The following EYS variants were observed in gnomAD, a reference collection of about 807,000 sequenced individuals.
The protein encoded by EYS is protein eyes shut homolog.
In EYS, 250 loss-of-function variants were observed where a neutral mutation model predicts 282.1. The ratio of observed to expected loss-of-function variants is 0.89; its 90% CI spans 0.80 to 0.98. The LOEUF (loss-of-function observed/expected upper bound fraction) is 0.98, where lower values mean the gene tolerates loss of function less well. EYS is among the 50% of genes least tolerant of loss of function. The probability of loss-of-function intolerance (pLI) is 0.00; values close to 1 mark genes in which losing one functional copy is unlikely to be tolerated. For synonymous variants in EYS, 1,355 were observed against 1,282.9 expected (o/e 1.06, Z -1.20); for missense variants, 4,016 against 3,709.0 (o/e 1.08, Z -2.15).
At chr6:65,266,979 T>C (rs1185964918) in intron 12 of EYS, among the ~76,000 whole-genome samples, 1 of 126,330 alleles carries the variant, frequency 7.9e-6, no homozygotes, top group Non-Finnish European at 1.7e-5. Flanking sequence ...TACCTTGACA[T>C]ATATATATAT....
chr6:64,935,147 A>G (rs1768865267), intron 15 of EYS, among the ~76,000 whole-genome samples: 1 of 151,820 alleles, frequency 6.6e-6, no homozygotes, highest in South Asian at 2.1e-4. Flanking sequence ...TCTAAATAAT[A>G]CAATAAATGT....
chr6:64,034,275 C>T (rs1250703372), intron 33 of EYS, among the ~76,000 whole-genome samples: 1 of 152,202 alleles, frequency 6.6e-6, no homozygotes, highest in African/African-American at 2.4e-5. Context: ...ACCACCACAA[C>T]TAGCTTACAA....
chr6:64,483,907 T>C (rs752140776), intron 26 of EYS, among the ~76,000 whole-genome samples: 1 of 151,696 alleles, frequency 6.6e-6, no homozygotes, highest in Non-Finnish European at 1.5e-5. Context: ...TCATGACACA[T>C]AGACATAGAT....
At chr6:63,724,971 G>T (rs1768554370) in intron 42 of EYS, among the ~76,000 whole-genome samples, 1 of 152,014 alleles carries the variant, frequency 6.6e-6, no homozygotes, top group East Asian at 1.9e-4. Context: ...ACTGTCAGCT[G>T]CATTTTCTGC....
Position 65,057,596 on chromosome 6 carries a change from T to C in EYS, c.2137+18A>G. ...AGTTAATTATGTTTGCTTTTCCTTA[T>C]CCCTTGGTGTTCATTACCTTTAAAT... is the stretch of plus-strand genomic sequence containing the variant. On this transcript the variant is annotated intron_variant, in intron 13 of 42. Transcript: ENST00000503581. 1 of 1,412,212 alleles carries C rather than the reference T, an allele frequency of 7.1e-7. No homozygotes were observed. The highest frequency in any genetic ancestry group is 9.8e-7 in the Non-Finnish European group (1 of 1,019,940). 87.5% of individuals were successfully genotyped at this position (1,412,212 alleles called of 1,614,324 possible).
At chr6:63,726,050 C>T (rs1463974807) in intron 42 of EYS, among the ~76,000 whole-genome samples, 1 of 151,990 alleles carries the variant, frequency 6.6e-6, no homozygotes, top group African/African-American at 2.4e-5. Context: ...AAATATGTAC[C>T]TTTTAAAATC....
intron 2 of EYS, among the ~76,000 whole-genome samples, chr6:65,633,913 T>C (rs1214718886): frequency 6.6e-6 from 1 of 152,224 alleles, no homozygotes; most frequent in Non-Finnish European, 1.5e-5. Flanking sequence ...GGTCCCAAAG[T>C]CTTCAGTGCT....
At chr6:64,834,815 T>G (rs527856140) in intron 19 of EYS, among the ~76,000 whole-genome samples, 7 of 151,958 alleles carry the variant, frequency 4.6e-5, no homozygotes, top group Non-Finnish European at 4.4e-5. Flanking sequence ...ATGTTTTGAT[T>G]AACAAACACA....
At chr6:65,030,468 G>A (rs1467668748) in intron 13 of EYS, among the ~76,000 whole-genome samples, 1 of 152,048 alleles carries the variant, frequency 6.6e-6, no homozygotes, top group Non-Finnish European at 1.5e-5. Context: ...TGATTTGCTG[G>A]CACCTGTGTA....
At chr6:65,166,402 GA>G (rs1013633808) in intron 12 of EYS, among the ~76,000 whole-genome samples, 102 of 151,166 alleles carry the variant, frequency 6.7e-4, no homozygotes, top group African/African-American at 2.2e-3. Flanking sequence ...ATCCATGATG[GA>G]ATTGTGAATC....
intron 5 of EYS, among the ~76,000 whole-genome samples, chr6:65,456,183 T>C (rs2150405819): frequency 6.6e-6 from 1 of 151,866 alleles, no homozygotes; most frequent in East Asian, 1.9e-4. Flanking sequence ...CCGGGCGAGG[T>C]AGCTCACACC....
At chr6:64,024,680 C>T (rs1052926520) in intron 33 of EYS, among the ~76,000 whole-genome samples, 2 of 152,016 alleles carry the variant, frequency 1.3e-5, no homozygotes, top group African/African-American at 2.4e-5. Context: ...CTGAAGCTAG[C>T]GAGACCACGA....
chr6:64,723,718 G>T (rs147006510), intron 22 of EYS, among the ~76,000 whole-genome samples: 1 of 152,168 alleles, frequency 6.6e-6, no homozygotes, highest in South Asian at 2.1e-4. Flanking sequence ...TGTGAGCATC[G>T]CTGAAAGCCT....
In EYS at chr6:64,686,825, A is replaced by ATATATATATGTG. The variant is rs1562133933; in HGVS notation, c.3444-60581_3444-60580insCACATATATATA. Reference sequence around the variant, plus strand: ...TATATGTGTGTATATATATATGTGTATATATATATATACGTGTATATATAT... The same window carrying ATATATATATGTG: ...TATATGTGTGTATATATATATGTGTATATATATATGTGTATATATATATACGTGTATATATAT... On this transcript the variant is annotated intron_variant, in intron 22 of 42. Coordinates refer to ENST00000503581, the MANE Select transcript of EYS (RefSeq NM_001142800.2). 4.5e-4 allele frequency among the ~76,000 whole-genome samples: 8 copies of ATATATATATGTG among 17,692 alleles called. 1 individual carries two copies. The highest frequency in any genetic ancestry group is 1.3e-3 in the East Asian group (2 of 1,486). The allele number at this position is 17,692 out of a possible 152,430, so 11.6% of individuals were successfully genotyped here. A position where few individuals can be genotyped will look rare whatever the true frequency, so the allele number is the denominator to read the frequency against.
chr6:65,250,819 CAA>C, intron 12 of EYS, among the ~76,000 whole-genome samples: 1 of 145,616 alleles, frequency 6.9e-6, no homozygotes, highest in Admixed American at 6.9e-5. Flanking sequence ...CAGTAACATC[CAA>C]AAAAAAAATT....
At chr6:63,975,990 A>T (rs989297263) in intron 35 of EYS, among the ~76,000 whole-genome samples, 11 of 152,024 alleles carry the variant, frequency 7.2e-5, no homozygotes, top group Admixed American at 6.6e-4. Flanking sequence ...TATAATACAG[A>T]TCTGTACAGC....
chr6:63,889,666 C>G (rs553153965), intron 35 of EYS, among the ~76,000 whole-genome samples: 2 of 151,882 alleles, frequency 1.3e-5, no homozygotes, highest in South Asian at 4.2e-4. Flanking sequence ...ACAGCAGAAA[C>G]AAACCAAAAT....
chr6:64,148,329 CCT>C (rs1266923190), intron 31 of EYS, among the ~76,000 whole-genome samples: 1 of 151,752 alleles, frequency 6.6e-6, no homozygotes, highest in African/African-American at 2.4e-5. Context: ...TTCTTGTTGA[CCT>C]ATTTTTTAAG....
At chr6:64,499,308 T>G (rs1332798606) in intron 26 of EYS, among the ~76,000 whole-genome samples, 2 of 152,212 alleles carry the variant, frequency 1.3e-5, no homozygotes, top group Non-Finnish European at 2.9e-5. Flanking sequence ...TGTGTCATGT[T>G]ATTTTATGTC....
Sources: gnomAD v4.1 joint callset for allele counts (sites outside exome capture counted in the v4.1 genomes callset) on GRCh38, gnomAD v4.1.1 for gene constraint, MANE v1.5 for transcripts, NCBI Gene and HGNC (gene_info 2026-07-23, HGNC 2026-07-21) for gene names.